The following GCLM variants were observed in gnomAD, a reference collection of about 807,000 sequenced individuals.
GCLM encodes the protein glutamate-cysteine ligase modifier subunit, also known as glutamate--cysteine ligase regulatory subunit.
A neutral mutation model predicts 36.0 loss-of-function variants in GCLM; 15 were observed. The ratio of observed to expected loss-of-function variants is 0.42; its 90% CI spans 0.28 to 0.64. The LOEUF (loss-of-function observed/expected upper bound fraction) is 0.64, where lower values mean the gene tolerates loss of function less well. Among genes scored for constraint, GCLM ranks in the 30% least tolerant of loss-of-function variants. The probability of loss-of-function intolerance (pLI) is 0.25; values close to 1 mark genes in which losing one functional copy is unlikely to be tolerated. For missense variants in GCLM, 242 were observed against 325.5 expected, an observed-to-expected ratio of 0.74 and a Z score of 1.97; for synonymous variants, 129 against 122.8, an observed-to-expected ratio of 1.05 and a Z score of -0.34.
chr1:93,901,787 C>T (rs1164485360), intron 2 of GCLM, 118 bp from the exon 3 acceptor site: 12 of 614,390 alleles, frequency 2.0e-5, no homozygotes, highest in Non-Finnish European at 3.1e-5. Context: ...CAACAGAGTT[C>T]TCTACCTGAG....
At chr1:93,894,377 C>T (rs1252059006) in intron 6 of GCLM, among the ~76,000 whole-genome samples, 1 of 151,708 alleles carries the variant, frequency 6.6e-6, no homozygotes, top group Non-Finnish European at 1.5e-5. Context: ...TATTTGTGAA[C>T]CTCAAAAGAC....
rs2273407 is a variant in GCLM, at chr1:93,908,988, C to G, written c.126+50G>C. On this transcript the variant is annotated intron_variant, in intron 1 of 6. Coordinates refer to ENST00000370238, the MANE Select transcript of GCLM (RefSeq NM_002061.4). ...TCTCCCTTGCCGGAACCGCCCGGCC[C>G]CGCCCGAGGCCTGCCCCGGGAGCCC... The G allele has an allele frequency of 3.6e-6, 5 of 1,374,132 alleles. No individual in the cohort carries two copies. In the East Asian group the frequency reaches 1.6e-4, roughly 44 times the overall value. 85.1% of individuals were successfully genotyped at this position (1,374,132 alleles called of 1,614,324 possible).
intron 1 of GCLM, among the ~76,000 whole-genome samples, chr1:93,905,055 T>A (rs1236605005): frequency 6.6e-6 from 1 of 151,450 alleles, no homozygotes; most frequent in Non-Finnish European, 1.5e-5. Context: ...AAGCCTGTAG[T>A]AGCTACTCGG....
intron 3 of GCLM, among the ~76,000 whole-genome samples, chr1:93,899,095 C>CT (rs60469628): frequency 0.082 from 12,130 of 147,700 alleles, 1,260 homozygotes; most frequent in African/African-American, 0.24. Flanking sequence ...ATTTTACATA[C>CT]TTTTTTTTTT....
intron 1 of GCLM, 55 bp downstream of exon 1, chr1:93,908,983 C>T: frequency 7.3e-7 from 1 of 1,361,000 alleles, no homozygotes; most frequent in Non-Finnish European, 9.5e-7. Context: ...CGGAACCGCC[C>T]GGCCCCGCCC....
intron 2 of GCLM, among the ~76,000 whole-genome samples, chr1:93,902,586 A>G (rs1349155907): frequency 2.6e-5 from 4 of 151,924 alleles, no homozygotes; most frequent in Non-Finnish European, 4.4e-5. Flanking sequence ...CTACACTCAC[A>G]TCCACACAGC....
chr1:93,895,651 G>A (rs532933062), intron 5 of GCLM, among the ~76,000 whole-genome samples: 12 of 152,248 alleles, frequency 7.9e-5, no homozygotes, highest in Admixed American at 7.9e-4. Context: ...CTTTCTCTAG[G>A]TCTTCCTGTC....
At chr1:93,895,527 G>T (rs1656694569) in intron 5 of GCLM, among the ~76,000 whole-genome samples, 1 of 152,170 alleles carries the variant, frequency 6.6e-6, no homozygotes, top group Non-Finnish European at 1.5e-5. Context: ...TTTTGAAAGA[G>T]AAGAATTGAC....
chr1:93,908,147 T>A (rs893486576), intron 1 of GCLM, among the ~76,000 whole-genome samples: 5 of 152,334 alleles, frequency 3.3e-5, no homozygotes, highest in African/African-American at 1.2e-4. Context: ...CAAAGTCATA[T>A]AGCTCCTAAA....
At position 93,905,536 on chromosome 1, in the gene GCLM, G is replaced by T. The variant is rs1263422086; in HGVS notation, c.127-948C>A. ...ATATCTTGCAGAACTCAACTTGTAT[G>T]ACACTCCAGAAGTCATTTCGTAACA... is the stretch of plus-strand genomic sequence containing the variant. On this transcript the variant is annotated intron_variant, in intron 1 of 6. Transcript: ENST00000370238. Among the ~76,000 whole-genome samples the T allele has an allele frequency of 2.0e-5, 3 of 152,122 alleles. No individual in the cohort carries two copies. The East Asian group carries it at 5.8e-4, about 29-fold the overall frequency.
In GCLM at chr1:93,901,819, G is replaced by T. The variant is rs1362748956; in HGVS notation, c.193-150C>A. On this transcript the variant is annotated intron_variant, in intron 2 of 6. Coordinates refer to ENST00000370238, the MANE Select transcript of GCLM (RefSeq NM_002061.4). ...TGAGGTCTGGGTGGGCTTCACAAGG[G>T]TTGTAAAGCTCTGAAATAAAGGTAA... The T allele has an allele frequency of 1.1e-5, 6 of 552,248 alleles. No individual in the cohort carries two copies. In the Admixed American group the frequency reaches 1.7e-4, roughly 16 times the overall value. The allele number at this position is 552,248 out of a possible 1,614,324, so 34.2% of individuals were successfully genotyped here.
Position 93,885,462 on chromosome 1 carries a change from A to G in GCLM, c.*3528T>C, listed in dbSNP as rs2100897803. On this transcript the variant is annotated 3_prime_UTR_variant, in exon 7 of 7. Coordinates refer to ENST00000370238, the MANE Select transcript of GCLM (RefSeq NM_002061.4). ...AAAAGTTGACTTATCTAATTAAAAC[A>G]TTTTCCCTTCCTATGTTTCTAATTC... is the stretch of plus-strand genomic sequence containing the variant. The G allele has an allele frequency of 6.6e-6, 1 of 152,212 alleles. No individual in the cohort carries two copies. The highest frequency in any genetic ancestry group is 1.9e-4 in the East Asian group (1 of 5,186). 9.4% of individuals were successfully genotyped at this position (152,212 alleles called of 1,614,324 possible).
intron 1 of GCLM, 104 bp from the exon 2 acceptor site, chr1:93,904,692 G>C: frequency 1.3e-6 from 1 of 765,720 alleles, no homozygotes; most frequent in Admixed American, 2.3e-5. Context: ...AAAAAAGATA[G>C]CAACAGGAAA....
chr1:93,905,173 C>CAGA (rs1657102674), intron 1 of GCLM, among the ~76,000 whole-genome samples: 1 of 68,320 alleles, frequency 1.5e-5, no homozygotes, highest in Non-Finnish European at 3.5e-5. Context: ...ACTCTATTTC[C>CAGA]AAAAAAAAAA....
chr1:93,902,726 G>A (rs1657004620), intron 2 of GCLM, among the ~76,000 whole-genome samples: 3 of 152,024 alleles, frequency 2.0e-5, no homozygotes, highest in African/African-American at 7.2e-5. Context: ...ATAGTTTATG[G>A]ATTTAGAAAA....
chr1:93,894,806 A>G, intron 5 of GCLM, 78 bp from the exon 6 acceptor site: 2 of 712,006 alleles, frequency 2.8e-6, no homozygotes, highest in Non-Finnish European at 5.1e-6. Context: ...AAGCAATAAA[A>G]TAACTTAATT....
intron 6 of GCLM, 49 bp from the exon 7 acceptor site, chr1:93,889,208 CA>C: frequency 4.5e-6 from 6 of 1,344,178 alleles, no homozygotes; most frequent in Non-Finnish European, 5.0e-6. Context: ...AATTGGAAAA[CA>C]AAAAAGCACT....
Position 93,888,946 on chromosome 1 carries a change from C to G in GCLM, c.*44G>C. ...AGATTTTTACACATCTCAATTTTCT[C>G]TCATATTGAAGGAAATTACAGGTAA... On this transcript the variant is annotated 3_prime_UTR_variant, in exon 7 of 7. Coordinates refer to ENST00000370238, the MANE Select transcript of GCLM (RefSeq NM_002061.4). 2 of 1,349,754 alleles carry G rather than the reference C, an allele frequency of 1.5e-6. No individual in the cohort carries two copies. Among genetic ancestry groups the G allele is most frequent in the Non-Finnish European group, 2.0e-6 (2 of 992,464 alleles). The allele number at this position is 1,349,754 out of a possible 1,614,324, so 83.6% of individuals were successfully genotyped here.
chr1:93,889,222 A>G (rs1198109624), intron 6 of GCLM, 63 bp from the exon 7 acceptor site: 2 of 1,127,684 alleles, frequency 1.8e-6, no homozygotes, highest in Non-Finnish European at 2.5e-6. Context: ...AAAGCACTTT[A>G]GTATGTAGGT....
Sources: gnomAD v4.1 joint callset for allele counts (sites outside exome capture counted in the v4.1 genomes callset) on GRCh38, gnomAD v4.1.1 for gene constraint, MANE v1.5 for transcripts, NCBI Gene and HGNC (gene_info 2026-07-23, HGNC 2026-07-21) for gene names.